Variants in ASIC2 observed in about 807,000 individuals in gnomAD.
ASIC2 encodes the protein acid-sensing ion channel 2.
A neutral mutation model predicts 57.3 loss-of-function variants in ASIC2; 25 were observed. That is an observed-to-expected ratio of 0.44 (90% CI 0.32 to 0.61). The LOEUF is 0.61. Among genes scored for constraint, ASIC2 ranks in the 20% least tolerant of loss-of-function variants. ASIC2 has a pLI of 0.06. For missense variants in ASIC2, 641 were observed against 738.1 expected (o/e 0.87, Z 1.52); for synonymous variants, 319 against 307.5 (o/e 1.04, Z -0.39).
chr17:33,027,487 T>A (rs900728753), intron 4 of ASIC2, among the ~76,000 whole-genome samples: 1 of 152,256 alleles, frequency 6.6e-6, no homozygotes, highest in Non-Finnish European at 1.5e-5. Context: ...TTCAATATGC[T>A]AAATAACAAC....
chr17:33,696,392 T>G (rs1217354132), intron 1 of ASIC2, among the ~76,000 whole-genome samples: 1 of 152,188 alleles, frequency 6.6e-6, no homozygotes, highest in East Asian at 1.9e-4. Flanking sequence ...AAGAGACACA[T>G]TTATTCATGT....
intron 1 of ASIC2, among the ~76,000 whole-genome samples, chr17:34,132,413 C>T (rs1193741731): frequency 1.3e-5 from 2 of 152,050 alleles, no homozygotes; most frequent in Non-Finnish European, 2.9e-5. Context: ...GAGTGCGAGC[C>T]GGGTGGAGGC....
chr17:33,724,951 C>T (rs2142086217), intron 1 of ASIC2, among the ~76,000 whole-genome samples: 1 of 152,332 alleles, frequency 6.6e-6, no homozygotes, highest in South Asian at 2.1e-4. Flanking sequence ...AGTAAGGGCC[C>T]TCGCTAGAAG....
intron 1 of ASIC2, among the ~76,000 whole-genome samples, chr17:34,089,977 A>G (rs1910264917): frequency 1.3e-5 from 2 of 152,076 alleles, no homozygotes; most frequent in African/African-American, 4.8e-5. Context: ...TGAACTTACT[A>G]ACCTCACACC....
At chr17:34,136,489 A>G (rs1912130673) in intron 1 of ASIC2, among the ~76,000 whole-genome samples, 1 of 152,186 alleles carries the variant, frequency 6.6e-6, no homozygotes, top group Non-Finnish European at 1.5e-5. Flanking sequence ...ACTTAATTCA[A>G]TGATTTCCTT....
intron 1 of ASIC2, among the ~76,000 whole-genome samples, chr17:34,148,018 T>G (rs747869354): frequency 1.1e-4 from 17 of 152,184 alleles, no homozygotes; most frequent in Non-Finnish European, 2.2e-4. Context: ...TACCAAAATT[T>G]TGTTAAATTC....
intron 1 of ASIC2, among the ~76,000 whole-genome samples, chr17:33,946,292 AAGACGACTGGGACAGGTTG>A (rs1403957788): frequency 2.6e-5 from 4 of 151,226 alleles, no homozygotes; most frequent in African/African-American, 9.7e-5. Context: ...CCATGGGTGA[AAGACGACTGGGACAGGTTG>A]TTGGGTCTGG....
At chr17:33,261,326 C>T (rs1426825556) in intron 1 of ASIC2, among the ~76,000 whole-genome samples, 1 of 152,184 alleles carries the variant, frequency 6.6e-6, no homozygotes, top group South Asian at 2.1e-4. Context: ...AATTCTAATC[C>T]TCCTGTTGTT....
chr17:34,089,080 T>C (rs1030571778), intron 1 of ASIC2, among the ~76,000 whole-genome samples: 8 of 152,196 alleles, frequency 5.3e-5, no homozygotes, highest in Non-Finnish European at 1.0e-4. Context: ...CCTAGTGAGA[T>C]GAACCCGGTA....
At chr17:33,863,892 C>CTTTTTTTTTT in intron 1 of ASIC2, among the ~76,000 whole-genome samples, 1 of 133,422 alleles carries the variant, frequency 7.5e-6, no homozygotes, top group Non-Finnish European at 1.6e-5. Context: ...ACAGTTACCT[C>CTTTTTTTTTT]TTTTTTTGTT....
At chr17:34,126,855 TC>T (rs1369728827) in intron 1 of ASIC2, among the ~76,000 whole-genome samples, 2 of 152,158 alleles carry the variant, frequency 1.3e-5, no homozygotes, top group Non-Finnish European at 2.9e-5. Context: ...CTACCCAGCT[TC>T]CAGGTGATGC....
chr17:34,073,258 G>C (rs547742730), intron 1 of ASIC2, among the ~76,000 whole-genome samples: 2 of 152,110 alleles, frequency 1.3e-5, no homozygotes, highest in African/African-American at 4.8e-5. Context: ...AAATCACCCC[G>C]AAAAGCAGCC....
intron 1 of ASIC2, among the ~76,000 whole-genome samples, chr17:33,890,420 G>C (rs1164642761): frequency 2.0e-5 from 3 of 152,176 alleles, no homozygotes; most frequent in Non-Finnish European, 4.4e-5. Context: ...CCCAATAATA[G>C]TGGAAACCAA....
chr17:33,916,530 A>G (rs7220703), intron 1 of ASIC2, among the ~76,000 whole-genome samples: 69,895 of 152,038 alleles, frequency 0.46, 16,335 homozygotes, highest in Admixed American at 0.51. Context: ...AGCTGAAGCC[A>G]GCTCACTGGG....
chr17:33,634,508 T>C (rs1906281417), intron 1 of ASIC2, among the ~76,000 whole-genome samples: 1 of 141,206 alleles, frequency 7.1e-6, no homozygotes, highest in Non-Finnish European at 1.5e-5. Context: ...AGAAAAACTT[T>C]TTTTTCTTTT....
intron 1 of ASIC2, among the ~76,000 whole-genome samples, chr17:33,455,329 C>T (rs558968527): frequency 6.6e-6 from 1 of 152,288 alleles, no homozygotes; most frequent in East Asian, 1.9e-4. Context: ...AGTTTTTCAA[C>T]CCTTGCACTC....
rs59094832 is a variant in ASIC2 at position 33,068,528 on chromosome 17, TCAAAA to T, written c.987+20330_987+20334del. On this transcript the variant is annotated intron_variant, in intron 3 of 9. Coordinates refer to ENST00000225823, the MANE Select transcript of ASIC2 (RefSeq NM_183377.2). ...TGGGCAACAAGAGCGAAACTCCATC[TCAAAA>T]CAAAACAAAACAAAACAAAACAAAA... Among the ~76,000 whole-genome samples the T allele has an allele frequency of 2.9e-3, 432 of 149,432 alleles. 2 individuals carry two copies. Among genetic ancestry groups the T allele is most frequent in the Middle Eastern group, 6.8e-3 (2 of 294 alleles).
At chr17:33,537,255 G>T (rs1439246394) in intron 1 of ASIC2, among the ~76,000 whole-genome samples, 1 of 152,090 alleles carries the variant, frequency 6.6e-6, no homozygotes, top group African/African-American at 2.4e-5. Flanking sequence ...CAGGGTCTCT[G>T]TGTTTGCTGA....
At chr17:33,534,142 G>T (rs952487668) in intron 1 of ASIC2, 1 of 152,096 alleles carries the variant, frequency 6.6e-6, no homozygotes, top group East Asian at 1.9e-4. Context: ...TCCCAAGAAG[G>T]TTAACATAAT....
Sources: gnomAD v4.1 joint callset for allele counts (sites outside exome capture counted in the v4.1 genomes callset) on GRCh38, gnomAD v4.1.1 for gene constraint, MANE v1.5 for transcripts, NCBI Gene and HGNC (gene_info 2026-07-23, HGNC 2026-07-21) for gene names.